MTCL3: variants seen among roughly 807,000 people sequenced by gnomAD.
The protein encoded by MTCL3 is microtubule cross-linking factor 3.
At chr6:127,494,535 T>C in the MTCL3 span, among the ~76,000 whole-genome samples, 17 of 152,310 alleles carry the variant, frequency 1.1e-4, no homozygotes, top group East Asian at 3.9e-4. Context: ...CCTTGCATTA[T>C]GTAGTTCATA....
chr6:127,502,618 T>C, the MTCL3 span, among the ~76,000 whole-genome samples: 6 of 152,158 alleles, frequency 3.9e-5, no homozygotes, highest in African/African-American at 1.2e-4. Context: ...TAGAAACAGT[T>C]GGGGTCCTAG....
At chr6:127,474,059 T>C in the MTCL3 span, among the ~76,000 whole-genome samples, 4 of 152,098 alleles carry the variant, frequency 2.6e-5, no homozygotes, top group Admixed American at 6.6e-5. Context: ...GCCTTCAAGC[T>C]ACCGTATAGA....
At chr6:127,491,944 T>A in the MTCL3 span, among the ~76,000 whole-genome samples, 1 of 151,642 alleles carries the variant, frequency 6.6e-6, no homozygotes, top group Non-Finnish European at 1.5e-5. Flanking sequence ...GAACTGGCCT[T>A]GTGACTTGCT....
the MTCL3 span, among the ~76,000 whole-genome samples, chr6:127,474,050 C>G: frequency 7.9e-5 from 12 of 152,206 alleles, no homozygotes; most frequent in East Asian, 3.9e-4. Flanking sequence ...ATTAGTGTTG[C>G]CTTCAAGCTA....
the MTCL3 span, among the ~76,000 whole-genome samples, chr6:127,491,359 T>G: frequency 6.6e-6 from 1 of 152,184 alleles, no homozygotes; most frequent in Non-Finnish European, 1.5e-5. Flanking sequence ...CACTCCAACT[T>G]TTGGCAACCA....
chr6:127,515,778 G>A, the MTCL3 span: 2 of 1,606,588 alleles, frequency 1.2e-6, no homozygotes, highest in South Asian at 2.2e-5. The surrounding 1 kb of genome is among the most constrained non-coding windows in gnomAD (Gnocchi z 4.3). Flanking sequence ...CGTTCTTAGC[G>A]TGCATCTGAG....
chr6:127,489,311 G>A, the MTCL3 span, among the ~76,000 whole-genome samples: 2 of 152,168 alleles, frequency 1.3e-5, no homozygotes, highest in South Asian at 4.2e-4. Context: ...CTCCCTCTCA[G>A]GCCTATTCCC....
At chr6:127,512,911 C>A in the MTCL3 span, 1 of 1,610,714 alleles carries the variant, frequency 6.2e-7, no homozygotes, top group South Asian at 1.1e-5. Flanking sequence ...TTTTCCAGTT[C>A]ATTCTGTAAA....
the MTCL3 span, among the ~76,000 whole-genome samples, chr6:127,493,413 A>T: frequency 6.6e-6 from 1 of 152,238 alleles, no homozygotes; most frequent in African/African-American, 2.4e-5. Context: ...AGGAAAGTTG[A>T]TTGGCAATTT....
At chr6:127,518,693 A>G in the MTCL3 span, 1 of 152,162 alleles carries the variant, frequency 6.6e-6, no homozygotes, top group South Asian at 2.1e-4. Flanking sequence ...GGAAAGTTCA[A>G]CTTCATATTA....
the MTCL3 span, chr6:127,515,740 G>A: frequency 5.0e-6 from 8 of 1,597,900 alleles, no homozygotes; most frequent in Admixed American, 1.7e-5. This position sits in a 1 kb window ranked among gnomAD's most constrained non-coding sequence, Gnocchi z 4.3. Context: ...GCCAGACACC[G>A]GGGAGCTGCG....
the MTCL3 span, chr6:127,473,255 A>G: frequency 6.7e-7 from 1 of 1,496,046 alleles, no homozygotes; most frequent in South Asian, 1.4e-5. Context: ...TGAAAATACT[A>G]CAATGAATGG....
chr6:127,516,557 C>A, the MTCL3 span: 1 of 1,598,110 alleles, frequency 6.3e-7, no homozygotes, highest in Non-Finnish European at 8.5e-7. Flanking sequence ...GTGGCTGCAG[C>A]GGCGGGAGAA....
chr6:127,477,935 T>C, the MTCL3 span, among the ~76,000 whole-genome samples: 1 of 152,140 alleles, frequency 6.6e-6, no homozygotes, highest in Non-Finnish European at 1.5e-5. Flanking sequence ...CTGCACATGC[T>C]GCCTCTAGAA....
chr6:127,477,377 T>A, the MTCL3 span, among the ~76,000 whole-genome samples: 2 of 152,242 alleles, frequency 1.3e-5, no homozygotes, highest in Non-Finnish European at 2.9e-5. Context: ...TGAGGGATAT[T>A]ACTGAAGCAT....
the MTCL3 span, among the ~76,000 whole-genome samples, chr6:127,480,861 A>G: frequency 2.0e-5 from 3 of 152,232 alleles, no homozygotes; most frequent in Non-Finnish European, 2.9e-5. Flanking sequence ...CATCAGAGAT[A>G]GCCTGATCAG....
the MTCL3 span, chr6:127,481,273 C>T: frequency 1.5e-4 from 151 of 981,620 alleles, no homozygotes; most frequent in African/African-American, 1.5e-3. Flanking sequence ...CATGGCAACA[C>T]GTGAAATGAT....
chr6:127,510,305 C>T, the MTCL3 span, among the ~76,000 whole-genome samples: 1 of 152,184 alleles, frequency 6.6e-6, no homozygotes, highest in Admixed American at 6.5e-5. Flanking sequence ...GGTGCTGGAA[C>T]AGCATTCTCC....
chr6:127,511,897 C>G, the MTCL3 span, among the ~76,000 whole-genome samples: 1 of 152,150 alleles, frequency 6.6e-6, no homozygotes, highest in Admixed American at 6.5e-5. Context: ...GAGATAAGCA[C>G]AGCAATGACA....
Sources: gnomAD v4.1 joint callset for allele counts (sites outside exome capture counted in the v4.1 genomes callset) on GRCh38, gnomAD v4.1.1 for gene constraint, Gnocchi (gnomAD v3.1) non-coding constraint, MANE v1.5 for transcripts, NCBI Gene and HGNC (gene_info 2026-07-23, HGNC 2026-07-21) for gene names.